IQCJ: variants seen among roughly 807,000 people sequenced by gnomAD.
The protein encoded by IQCJ is IQ motif containing J, also known as IQ domain-containing protein J.
A neutral mutation model predicts 11.0 loss-of-function variants in IQCJ; 9 were observed. The ratio of observed to expected loss-of-function variants is 0.82; its 90% CI spans 0.49 to 1.43. The LOEUF (loss-of-function observed/expected upper bound fraction) is 1.43, where lower values mean the gene tolerates loss of function less well. IQCJ is among the 40% of genes most tolerant of loss of function. The pLI is 0.00. For synonymous variants in IQCJ, 55 were observed against 51.3 expected, an observed-to-expected ratio of 1.07 and a Z score of -0.31; for missense variants, 146 against 133.2, an observed-to-expected ratio of 1.10 and a Z score of -0.47.
intron 1 of IQCJ, among the ~76,000 whole-genome samples, chr3:159,086,015 G>A (rs1302209369): frequency 2.0e-5 from 3 of 152,232 alleles, no homozygotes; most frequent in African/African-American, 7.2e-5. Context: ...GAATGGTAAT[G>A]CCTAGGTTTT....
chr3:159,215,025 TGG>T (rs1173212627), intron 1 of IQCJ, among the ~76,000 whole-genome samples: 1 of 152,196 alleles, frequency 6.6e-6, no homozygotes, highest in Non-Finnish European at 1.5e-5. Context: ...AGTTATTGAC[TGG>T]GACCCCTATA....
intron 1 of IQCJ, among the ~76,000 whole-genome samples, chr3:159,191,232 C>T (rs981343453): frequency 6.6e-6 from 1 of 152,148 alleles, no homozygotes; most frequent in African/African-American, 2.4e-5. Flanking sequence ...TTCCCAGCAC[C>T]TTCTCTAGGC....
chr3:159,084,572 C>A (rs1462705294), intron 1 of IQCJ, among the ~76,000 whole-genome samples: 1 of 152,086 alleles, frequency 6.6e-6, no homozygotes, highest in Non-Finnish European at 1.5e-5. Context: ...TATGATGTAG[C>A]TACTATTATT....
At chr3:159,183,884 T>C (rs1232344150) in intron 1 of IQCJ, among the ~76,000 whole-genome samples, 2 of 151,988 alleles carry the variant, frequency 1.3e-5, no homozygotes, top group Non-Finnish European at 2.9e-5. Context: ...CTTGAATCCA[T>C]CTATGTATGA....
At chr3:159,132,038 G>A (rs1720021978) in intron 1 of IQCJ, among the ~76,000 whole-genome samples, 1 of 152,062 alleles carries the variant, frequency 6.6e-6, no homozygotes, top group African/African-American at 2.4e-5. Flanking sequence ...AGCCCTTCCA[G>A]CTGACCCATA....
rs1180974161 is a variant in IQCJ at position 159,238,110 on chromosome 3, G to T, written c.10-7733G>T. Among the ~76,000 whole-genome samples the T allele has an allele frequency of 5.9e-5, 9 of 152,166 alleles. No homozygotes were observed. In the South Asian group the frequency reaches 1.9e-3, roughly 31 times the overall value. On this transcript the variant is annotated intron_variant, in intron 1 of 3. Coordinates refer to ENST00000397832, the MANE Select transcript of IQCJ (RefSeq NM_001042706.3). ...GGAAGGAAGGGTAGGTCTTGGAGGG[G>T]TGAGAAAATGGAGCAGTTATGGGAA...
chr3:159,182,273 A>G (rs1245340452), intron 1 of IQCJ, among the ~76,000 whole-genome samples: 1 of 151,858 alleles, frequency 6.6e-6, no homozygotes, highest in Non-Finnish European at 1.5e-5. Context: ...AGCACTCTTT[A>G]CTCACCATGG....
chr3:159,174,925 TA>T (rs1215929764), intron 1 of IQCJ, among the ~76,000 whole-genome samples: 1 of 152,220 alleles, frequency 6.6e-6, no homozygotes, highest in Non-Finnish European at 1.5e-5. Context: ...TGCTGAGTCA[TA>T]AGCTGTGAAC....
chr3:159,240,531 T>C (rs1233086037), intron 1 of IQCJ, among the ~76,000 whole-genome samples: 6 of 152,220 alleles, frequency 3.9e-5, no homozygotes, highest in African/African-American at 1.4e-4. Context: ...AAGGGGCAAA[T>C]ATACCCTACT....
chr3:159,161,350 G>T (rs182195571), intron 1 of IQCJ, among the ~76,000 whole-genome samples: 13 of 152,264 alleles, frequency 8.5e-5, no homozygotes, highest in Admixed American at 7.9e-4. Flanking sequence ...GTCTGTTCAT[G>T]TCCTTTGCCC....
At chr3:159,170,658 T>A in intron 1 of IQCJ, among the ~76,000 whole-genome samples, 1 of 149,558 alleles carries the variant, frequency 6.7e-6, no homozygotes, top group East Asian at 2.0e-4. Flanking sequence ...TTTTTTTTTC[T>A]TGTTTTCGCT....
At chr3:159,152,354 T>C (rs1001683122) in intron 1 of IQCJ, among the ~76,000 whole-genome samples, 2 of 152,174 alleles carry the variant, frequency 1.3e-5, no homozygotes, top group African/African-American at 4.8e-5. Flanking sequence ...ATAGTTTCCC[T>C]TCTCTGAGAT....
At chr3:159,069,517 G>A in intron 1 of IQCJ, 76 bp downstream of exon 1, 1 of 1,547,864 alleles carries the variant, frequency 6.5e-7, no homozygotes, top group Non-Finnish European at 8.7e-7. Context: ...TTAAAAATCT[G>A]TCTTCTGAAT....
intron 1 of IQCJ, among the ~76,000 whole-genome samples, chr3:159,080,856 C>G (rs1327977938): frequency 6.6e-6 from 1 of 152,050 alleles, no homozygotes; most frequent in East Asian, 1.9e-4. Flanking sequence ...AGAAGTCTGA[C>G]TGTCTCTCCT....
intron 1 of IQCJ, among the ~76,000 whole-genome samples, chr3:159,230,989 G>A (rs969012686): frequency 1.3e-5 from 2 of 152,086 alleles, no homozygotes; most frequent in East Asian, 1.9e-4. Context: ...TTGAAATCAC[G>A]CTTTTGCTGT....
intron 1 of IQCJ, among the ~76,000 whole-genome samples, chr3:159,123,206 C>CATATCCAAAATATGAATGACCCACATCT: frequency 6.6e-6 from 1 of 152,166 alleles, no homozygotes; most frequent in Non-Finnish European, 1.5e-5. Context: ...TATTTGACTT[C>CATATCCAAAATATGAATGACCCACATCT]ATATCCAAAA....
chr3:159,183,891 A>G (rs58925580), intron 1 of IQCJ, among the ~76,000 whole-genome samples: 7,284 of 151,782 alleles, frequency 0.048, 575 homozygotes, highest in African/African-American at 0.17. Context: ...CCATCTATGT[A>G]TGATCATCCC....
chr3:159,180,998 C>T (rs748709072), intron 1 of IQCJ, among the ~76,000 whole-genome samples: 5 of 151,934 alleles, frequency 3.3e-5, no homozygotes, highest in Admixed American at 1.3e-4. Flanking sequence ...CTTGATTAAA[C>T]GTACATGTTG....
At chr3:159,105,135 A>G (rs114941074) in intron 1 of IQCJ, among the ~76,000 whole-genome samples, 2 of 152,246 alleles carry the variant, frequency 1.3e-5, no homozygotes, top group East Asian at 3.8e-4. Context: ...TAGCATTTCC[A>G]TGTTACTGAG....
Sources: allele counts gnomAD v4.1 joint callset (sites outside exome capture counted in the v4.1 genomes callset), GRCh38; gene constraint gnomAD v4.1.1; transcripts MANE v1.5; gene names NCBI Gene and HGNC (gene_info 2026-07-23, HGNC 2026-07-21).